The following SERPINB5 variants were observed in gnomAD, a reference collection of about 807,000 sequenced individuals.
The protein encoded by SERPINB5 is serpin B5.
In SERPINB5, 27 loss-of-function variants were observed where a neutral mutation model predicts 32.2. That is an observed-to-expected ratio of 0.84 (90% CI 0.62 to 1.16). The LOEUF (loss-of-function observed/expected upper bound fraction) is 1.16, where lower values mean the gene tolerates loss of function less well. Ranked by LOEUF, SERPINB5 falls within the 50% of genes most tolerant of loss-of-function variation. The probability of loss-of-function intolerance (pLI) is 0.00; values close to 1 mark genes in which losing one functional copy is unlikely to be tolerated. For missense variants in SERPINB5, 388 were observed against 436.3 expected (o/e 0.89, Z 0.99); for synonymous variants, 154 against 157.4 (o/e 0.98, Z 0.16).
chr18:63,488,791 C>T (rs1485156270), intron 3 of SERPINB5, among the ~76,000 whole-genome samples: 4 of 152,120 alleles, frequency 2.6e-5, no homozygotes. Context: ...TGTTTCCAAC[C>T]TTAATTTGCA....
intron 1 of SERPINB5, among the ~76,000 whole-genome samples, chr18:63,482,847 TA>T (rs1246295845): frequency 6.7e-6 from 1 of 150,310 alleles, no homozygotes; most frequent in Non-Finnish European, 1.5e-5. Flanking sequence ...AATTAAATAC[TA>T]ATATGAATAA....
intron 5 of SERPINB5, among the ~76,000 whole-genome samples, chr18:63,496,113 G>A (rs1461757431): frequency 7.7e-6 from 1 of 130,002 alleles, no homozygotes; most frequent in Non-Finnish European, 1.7e-5. Flanking sequence ...TCTTTATTTG[G>A]TCCTCTTTTC....
At chr18:63,499,047 G>GTATATATATATATATATATATATATATA (rs55944702) in intron 5 of SERPINB5, 73 bp from the exon 6 acceptor site, 1 of 433,714 alleles carries the variant, frequency 2.3e-6, no homozygotes, top group African/African-American at 2.1e-5. Flanking sequence ...GCGCGTGTGT[G>GTATATATATATATATATATATATATATA]TATATATATA....
chr18:63,482,113 A>G lies in SERPINB5; in HGVS notation c.-7-2309A>G, dbSNP rs116047364. Among the ~76,000 whole-genome samples the G allele has an allele frequency of 6.4e-3, 969 of 152,304 alleles. 10 individuals are homozygous for G. Among genetic ancestry groups the G allele is most frequent in the African/African-American group, 0.022 (930 of 41,562 alleles). On this transcript the variant is annotated intron_variant, in intron 1 of 6. Coordinates refer to ENST00000382771, the MANE Select transcript of SERPINB5 (RefSeq NM_002639.5). ...TGAACTCGCTTTTTCAGACTCTGAG[A>G]TATAATCGATTTAAGTCCATCCTAC...
chr18:63,480,708 A>G (rs941242110), intron 1 of SERPINB5, among the ~76,000 whole-genome samples: 2 of 152,228 alleles, frequency 1.3e-5, no homozygotes, highest in Non-Finnish European at 2.9e-5. Flanking sequence ...CTCAGACCAG[A>G]TCAACTTTAT....
At chr18:63,497,184 C>T (rs530048709) in intron 5 of SERPINB5, 14 of 674,336 alleles carry the variant, frequency 2.1e-5, no homozygotes, top group East Asian at 6.4e-5. Flanking sequence ...ACATTGACAC[C>T]GCAGCCAAGT....
intron 5 of SERPINB5, 57 bp from the exon 6 acceptor site, chr18:63,499,062 TA>T (rs1387745995): frequency 3.6e-5 from 29 of 805,498 alleles, no homozygotes; most frequent in Non-Finnish European, 4.7e-5. Context: ...TATATATATA[TA>T]TATATTTATG....
intron 6 of SERPINB5, among the ~76,000 whole-genome samples, chr18:63,502,825 C>T (rs1909597043): frequency 6.6e-6 from 1 of 152,048 alleles, no homozygotes; most frequent in Non-Finnish European, 1.5e-5. Flanking sequence ...TTGAGACCAG[C>T]TTGGCCAACA....
chr18:63,497,230 G>T, intron 5 of SERPINB5: 4 of 769,744 alleles, frequency 5.2e-6, no homozygotes, highest in Non-Finnish European at 9.2e-6. Context: ...TGGTGTGGTT[G>T]GTTCAGGGGC....
chr18:63,496,314 T>C (rs1473523425), intron 5 of SERPINB5, among the ~76,000 whole-genome samples: 2 of 152,236 alleles, frequency 1.3e-5, no homozygotes, highest in Non-Finnish European at 2.9e-5. Flanking sequence ...ATATCCTCTT[T>C]AGGAGAAATA....
At chr18:63,493,594 C>T (rs7226891) in intron 5 of SERPINB5, 87,012 of 174,644 alleles carry the variant, frequency 0.5, 23,752 homozygotes, top group Non-Finnish European at 0.62. Flanking sequence ...CGTGGTGGCT[C>T]ATGCCTGTAA....
In SERPINB5 at chr18:63,499,179, T is replaced by G; in HGVS notation, c.627T>G (p.Ile209Met). The change falls in exon 6 of 7, where the codon ATT (isoleucine) becomes ATG (methionine). Residue 209 changes from isoleucine (I) to methionine (M), a missense_variant. Transcript: ENST00000382771. ...NMEATFCMGN[I>M]DSINCKIIEL... Reference sequence around the variant, plus strand: ...AGGCCACGTTCTGTATGGGAAACATTGACAGTATCAATTGTAAGATCATAG... The same window carrying G: ...AGGCCACGTTCTGTATGGGAAACATGGACAGTATCAATTGTAAGATCATAG... 3 of 1,601,938 alleles carry G rather than the reference T, an allele frequency of 1.9e-6. No homozygotes were observed. Among genetic ancestry groups the G allele is most frequent in the Non-Finnish European group, 2.6e-6 (3 of 1,173,892 alleles).
rs896450849 is a variant in SERPINB5 at position 63,504,949 on chromosome 18, A to G, written c.*1227A>G. ...CATGGATTACTTCTCTATAAAAAATATGTATTTACCAAAAATTTTGTGACA... is the reference window on the plus strand; with the variant it reads ...CATGGATTACTTCTCTATAAAAAATGTGTATTTACCAAAAATTTTGTGACA... On this transcript the variant is annotated 3_prime_UTR_variant, in exon 7 of 7. Coordinates refer to ENST00000382771, the MANE Select transcript of SERPINB5 (RefSeq NM_002639.5). The G allele has an allele frequency of 1.0e-4, 9 of 88,996 alleles. No homozygotes were observed. The highest frequency in any genetic ancestry group is 8.4e-4 in the Admixed American group (8 of 9,534). 5.5% of individuals were successfully genotyped at this position (88,996 alleles called of 1,614,324 possible).
At position 63,489,334 on chromosome 18, in the gene SERPINB5, G is replaced by T; in HGVS notation, c.307-13G>T. 7.0e-7 allele frequency: 1 copy of T among 1,428,108 alleles called. No individual in the cohort carries two copies. The highest frequency in any genetic ancestry group is 1.2e-5 in the South Asian group (1 of 84,502). 88.5% of individuals were successfully genotyped at this position (1,428,108 alleles called of 1,614,324 possible). A position where few individuals can be genotyped will look rare whatever the true frequency, so the allele number is the denominator to read the frequency against. ...ACTACAGACTCTGATTTTATGAACT[G>T]CATGTTTTTCAGGAGTTCATCAGCT... On this transcript the variant is annotated splice_polypyrimidine_tract_variant and intron_variant, in intron 3 of 6. Transcript: ENST00000382771.
intron 3 of SERPINB5, among the ~76,000 whole-genome samples, chr18:63,487,513 A>G (rs768272450): frequency 1.4e-4 from 22 of 152,222 alleles, no homozygotes; most frequent in Non-Finnish European, 3.1e-4. Context: ...CTCATTTTTT[A>G]TGCACACATT....
chr18:63,490,986 TC>T (rs984485007), intron 4 of SERPINB5, among the ~76,000 whole-genome samples: 2 of 152,080 alleles, frequency 1.3e-5, no homozygotes, highest in African/African-American at 4.8e-5. Flanking sequence ...CTTCCACTCT[TC>T]CCCCACCCCA....
intron 5 of SERPINB5, 186 bp downstream of exon 5, chr18:63,493,281 T>A: frequency 1.4e-6 from 1 of 698,758 alleles, no homozygotes; most frequent in Non-Finnish European, 2.5e-6. Context: ...AGGCCCCCCC[T>A]CCTCTTTTCC....
intron 3 of SERPINB5, 117 bp from the exon 4 acceptor site, chr18:63,489,230 A>G (rs1917260481): frequency 1.8e-6 from 1 of 548,152 alleles, no homozygotes; most frequent in East Asian, 3.0e-5. Flanking sequence ...ATATAGTGTT[A>G]CCAATTTTGA....
In SERPINB5 at chr18:63,486,937, T is replaced by C; in HGVS notation, c.169-9T>C. On this transcript the variant is annotated splice_polypyrimidine_tract_variant and intron_variant, in intron 2 of 6. Transcript: ENST00000382771. ...ATGCTTTTTGGGTAACGGATTTTTC[T>C]CTTAACAGGTTCTTCATTTTGAAAA... is the stretch of plus-strand genomic sequence containing the variant. 6.2e-7 allele frequency: 1 copy of C among 1,613,770 alleles called. No individual in the cohort carries two copies. Among genetic ancestry groups the C allele is most frequent in the Middle Eastern group, 1.7e-4 (1 of 6,054 alleles).
Sources: allele counts gnomAD v4.1 joint callset (sites outside exome capture counted in the v4.1 genomes callset), GRCh38; gene constraint gnomAD v4.1.1; transcripts MANE v1.5; gene names NCBI Gene and HGNC (gene_info 2026-07-23, HGNC 2026-07-21).